SPAG17: variants seen among roughly 807,000 people sequenced by gnomAD.
SPAG17 encodes the protein sperm-associated antigen 17.
A neutral mutation model predicts 273.6 loss-of-function variants in SPAG17; 169 were observed. The ratio of observed to expected loss-of-function variants is 0.62; its 90% CI spans 0.55 to 0.70. SPAG17 has a LOEUF of 0.70. Among genes scored for constraint, SPAG17 ranks in the 30% least tolerant of loss-of-function variants. The pLI is 0.00. For synonymous variants in SPAG17, 825 were observed against 873.2 expected (o/e 0.94, Z 0.97); for missense variants, 2,557 against 2,627.8 (o/e 0.97, Z 0.59).
chr1:118,030,021 C>T (rs1648255905), intron 25 of SPAG17, among the ~76,000 whole-genome samples: 3 of 152,148 alleles, frequency 2.0e-5, no homozygotes, highest in Admixed American at 1.3e-4. Flanking sequence ...TAGTATCATC[C>T]TCACCCTTCC....
At chr1:118,169,188 A>G (rs2102388880) in intron 1 of SPAG17, among the ~76,000 whole-genome samples, 1 of 152,300 alleles carries the variant, frequency 6.6e-6, no homozygotes, top group Non-Finnish European at 1.5e-5. Flanking sequence ...CTAGGTGGAT[A>G]TTTTGACATA....
At chr1:118,180,272 T>C (rs972404233) in intron 1 of SPAG17, among the ~76,000 whole-genome samples, 3 of 152,044 alleles carry the variant, frequency 2.0e-5, no homozygotes, top group African/African-American at 7.2e-5. Flanking sequence ...TATTCAGCCA[T>C]ACAATATGAA....
chr1:118,012,513 G>T, intron 29 of SPAG17, 141 bp from the exon 30 acceptor site: 1 of 837,842 alleles, frequency 1.2e-6, no homozygotes, highest in Non-Finnish European at 1.8e-6. Flanking sequence ...TCATCTACCT[G>T]ATCTAACCTT....
chr1:117,998,993 C>T (rs1657968454), intron 32 of SPAG17, among the ~76,000 whole-genome samples: 1 of 151,522 alleles, frequency 6.6e-6, no homozygotes, highest in Non-Finnish European at 1.5e-5. Context: ...CCTCCTACCC[C>T]CGACAGTCCC....
intron 30 of SPAG17, among the ~76,000 whole-genome samples, chr1:118,011,146 T>C (rs1412137197): frequency 6.6e-6 from 1 of 152,214 alleles, no homozygotes; most frequent in Admixed American, 6.5e-5. Flanking sequence ...GTTCAGCCAC[T>C]GTGGAAGACA....
intron 28 of SPAG17, among the ~76,000 whole-genome samples, chr1:118,019,650 A>C (rs955118602): frequency 6.6e-6 from 1 of 152,218 alleles, no homozygotes; most frequent in African/African-American, 2.4e-5. Flanking sequence ...ACTTTGATAA[A>C]TGAAAAGAAA....
At chr1:118,155,426 T>C (rs1659603321) in intron 1 of SPAG17, among the ~76,000 whole-genome samples, 2 of 152,212 alleles carry the variant, frequency 1.3e-5, no homozygotes, top group African/African-American at 4.8e-5. Flanking sequence ...AAAAGTAGCT[T>C]TTGGACAATC....
At chr1:118,171,398 G>C (rs1339247619) in intron 1 of SPAG17, among the ~76,000 whole-genome samples, 1 of 152,088 alleles carries the variant, frequency 6.6e-6, no homozygotes. Context: ...TTTGGAGCTA[G>C]AAAAATAACT....
intron 3 of SPAG17, among the ~76,000 whole-genome samples, chr1:118,136,741 C>A (rs1658381032): frequency 6.6e-6 from 1 of 152,010 alleles, no homozygotes; most frequent in Admixed American, 6.6e-5. Context: ...CACATACAAA[C>A]CTCACCAATG....
chr1:118,090,277 A>C (rs572702672), intron 10 of SPAG17, among the ~76,000 whole-genome samples: 1 of 152,226 alleles, frequency 6.6e-6, no homozygotes, highest in African/African-American at 2.4e-5. Context: ...CACAATGACC[A>C]TGTTACATCA....
At chr1:117,961,667 TTG>T (rs1323150016) in intron 48 of SPAG17, 1 of 152,200 alleles carries the variant, frequency 6.6e-6, no homozygotes, top group African/African-American at 2.4e-5. Context: ...GCTTGCCGAT[TTG>T]TGTCCCAAAC....
intron 43 of SPAG17, among the ~76,000 whole-genome samples, chr1:117,975,894 C>T (rs985411556): frequency 2.0e-5 from 3 of 152,100 alleles, no homozygotes; most frequent in Non-Finnish European, 2.9e-5. Context: ...GTTGCTCATA[C>T]TATTATTATT....
intron 32 of SPAG17, 31 bp from the exon 33 acceptor site, chr1:117,996,774 G>T (rs767247571): frequency 1.3e-6 from 2 of 1,563,644 alleles, no homozygotes; most frequent in South Asian, 1.2e-5. Flanking sequence ...GCAACTAAAA[G>T]AAAAGAAAGT....
chr1:118,065,130 A>C (rs2102053512), intron 18 of SPAG17, among the ~76,000 whole-genome samples: 1 of 152,312 alleles, frequency 6.6e-6, no homozygotes, highest in African/African-American at 2.4e-5. Context: ...TTAAGAACGA[A>C]AAAGAATATA....
chr1:117,991,532 A>G lies in SPAG17; in HGVS notation c.5362-4T>C. ...TTAGAATATAGTTTATGTAATCCTA[A>G]ATCAGCAGAATAAAATACATAGACA... is the stretch of plus-strand genomic sequence containing the variant. On this transcript the variant is annotated splice_region_variant and splice_polypyrimidine_tract_variant and intron_variant, in intron 36 of 48. Coordinates refer to ENST00000336338, the MANE Select transcript of SPAG17 (RefSeq NM_206996.4). 1 of 1,545,372 alleles carries G rather than the reference A, an allele frequency of 6.5e-7. No homozygotes were observed.
chr1:117,961,720 G>C (rs780060559), intron 48 of SPAG17: 1 of 152,170 alleles, frequency 6.6e-6, no homozygotes, highest in Non-Finnish European at 1.5e-5. Context: ...AATCACTGAA[G>C]TGAGTAAGGG....
At chr1:117,994,652 G>A in intron 34 of SPAG17, 122 bp from the exon 35 acceptor site, 2 of 972,244 alleles carry the variant, frequency 2.1e-6, no homozygotes, top group South Asian at 1.9e-5. Flanking sequence ...AGACTAATGA[G>A]ACACAATGAC....
At chr1:118,042,302 G>A (rs189142748) in intron 20 of SPAG17, among the ~76,000 whole-genome samples, 155 of 152,002 alleles carry the variant, frequency 1.0e-3, no homozygotes, top group African/African-American at 2.9e-3. Context: ...AATTTCCTTC[G>A]TTCAGGTCTT....
intron 3 of SPAG17, among the ~76,000 whole-genome samples, chr1:118,145,816 T>C (rs938148788): frequency 3.3e-5 from 5 of 152,176 alleles, no homozygotes; most frequent in South Asian, 2.1e-4. Context: ...CTTGGAAAAT[T>C]GTTTTGAAAT....
Sources: gnomAD v4.1 joint callset for allele counts (sites outside exome capture counted in the v4.1 genomes callset) on GRCh38, gnomAD v4.1.1 for gene constraint, MANE v1.5 for transcripts, NCBI Gene and HGNC (gene_info 2026-07-23, HGNC 2026-07-21) for gene names.